Variants in CD5 observed in about 807,000 individuals in gnomAD.
CD5 encodes the protein CD5 molecule.
A neutral mutation model predicts 60.3 loss-of-function variants in CD5; 36 were observed. The ratio of observed to expected loss-of-function variants is 0.60; its 90% CI spans 0.46 to 0.79. The LOEUF (loss-of-function observed/expected upper bound fraction) is 0.79, where lower values mean the gene tolerates loss of function less well. CD5 is among the 30% of genes least tolerant of loss of function. The probability of loss-of-function intolerance (pLI) is 0.00; values close to 1 mark genes in which losing one functional copy is unlikely to be tolerated. For synonymous variants in CD5, 230 were observed against 257.6 expected (o/e 0.89, Z 1.03); for missense variants, 540 against 630.6 (o/e 0.86, Z 1.54).
intron 1 of CD5, 104 bp downstream of exon 1, chr11:61,102,719 C>A: frequency 1.0e-6 from 1 of 1,004,444 alleles, no homozygotes; most frequent in Non-Finnish European, 1.5e-6. Context: ...CACATGTCAG[C>A]CCTCTGGAGC....
intron 1 of CD5, among the ~76,000 whole-genome samples, chr11:61,108,052 G>A (rs1318618833): frequency 6.6e-6 from 1 of 152,112 alleles, no homozygotes; most frequent in Non-Finnish European, 1.5e-5. Flanking sequence ...TGTGACCTTG[G>A]GCAAGTCACT....
intron 1 of CD5, among the ~76,000 whole-genome samples, chr11:61,104,134 G>A (rs1219341420): frequency 6.6e-6 from 1 of 152,002 alleles, no homozygotes; most frequent in Non-Finnish European, 1.5e-5. Flanking sequence ...GAGTCTGTGT[G>A]TGAGTCTGTG....
rs1212208425 is a variant in CD5 at position 61,127,629 on chromosome 11, C to CA, written c.*1345dup. 3 of 152,198 alleles carry CA rather than the reference C, an allele frequency of 2.0e-5. No homozygotes were observed. The highest frequency in any genetic ancestry group is 4.4e-5 in the Non-Finnish European group (3 of 68,040). The allele number at this position is 152,198 out of a possible 1,614,324, so 9.4% of individuals were successfully genotyped here. On this transcript the variant is annotated 3_prime_UTR_variant, in exon 11 of 11. Transcript: ENST00000347785. ...GCTGGGAATCCAGAAACAGGGACCC[C>CA]ATTTGTCTTCCCATATCTGGTGGAG...
chr11:61,124,907 T>TG (rs1029993333), intron 8 of CD5, 125 bp from the exon 9 acceptor site: 6 of 1,077,322 alleles, frequency 5.6e-6, no homozygotes, highest in Non-Finnish European at 8.1e-6. Flanking sequence ...GAAGGGGCTG[T>TG]GGGTGCCTTT....
In CD5 at chr11:61,109,978, C is replaced by T. The variant is rs533342405; in HGVS notation, c.56-5078C>T. Among the ~76,000 whole-genome samples, 6 of 152,164 alleles carry T rather than the reference C, an allele frequency of 3.9e-5. No individual in the cohort carries two copies. The East Asian group carries it at 9.7e-4, about 25-fold the overall frequency. ...TCTGGAGTCTCGGGGATTCTGTCCA[C>T]AGTTTTGGCAATAGCAGGAGCCTCA... On this transcript the variant is annotated intron_variant, in intron 1 of 10. Coordinates refer to ENST00000347785, the MANE Select transcript of CD5 (RefSeq NM_014207.4).
upstream of CD5, among the ~76,000 whole-genome samples, chr11:61,097,503 G>A (rs1015077098): frequency 1.3e-5 from 2 of 152,156 alleles, no homozygotes; most frequent in East Asian, 1.9e-4. Context: ...GTTGCAAACC[G>A]TGTGGACCCA....
upstream of CD5, among the ~76,000 whole-genome samples, chr11:61,098,282 A>G (rs1860608625): frequency 6.6e-6 from 1 of 152,242 alleles, no homozygotes; most frequent in African/African-American, 2.4e-5. Context: ...AAAATGCTTC[A>G]GCCCAAGTGT....
At chr11:61,115,378 A>G (rs893682330) in intron 2 of CD5, among the ~76,000 whole-genome samples, 3 of 152,176 alleles carry the variant, frequency 2.0e-5, no homozygotes, top group African/African-American at 7.2e-5. Flanking sequence ...AAGACATCCC[A>G]GCTCATAAAT....
At chr11:61,101,056 T>G (rs1256370134), upstream of CD5, among the ~76,000 whole-genome samples, 1 of 74,652 alleles carries the variant, frequency 1.3e-5, no homozygotes, top group Non-Finnish European at 2.5e-5. Flanking sequence ...TACACACACA[T>G]CAACATGGAG....
chr11:61,097,415 G>A, the CD5 span, among the ~76,000 whole-genome samples: 7 of 152,356 alleles, frequency 4.6e-5, no homozygotes, highest in African/African-American at 1.7e-4. Flanking sequence ...GACAGAAACT[G>A]TATAATGGTA....
At position 61,102,507 on chromosome 11, in the gene CD5, C is replaced by A; in HGVS notation, c.-54C>A. Reference sequence around the variant, plus strand: ...TGAGAGCGAGATACCCGGCCAGACACCCTCACCTGCGGTGCCCAGCTGCCC... The same window carrying A: ...TGAGAGCGAGATACCCGGCCAGACAACCTCACCTGCGGTGCCCAGCTGCCC... On this transcript the variant is annotated 5_prime_UTR_variant, in exon 1 of 11. Transcript: ENST00000347785. 11 of 1,424,030 alleles carry A rather than the reference C, an allele frequency of 7.7e-6. No individual in the cohort carries two copies. The highest frequency in any genetic ancestry group is 1.1e-5 in the Non-Finnish European group (11 of 1,037,012). The allele number at this position is 1,424,030 out of a possible 1,614,324, so 88.2% of individuals were successfully genotyped here. A position where few individuals can be genotyped will look rare whatever the true frequency, so the allele number is the denominator to read the frequency against.
intron 2 of CD5, among the ~76,000 whole-genome samples, chr11:61,115,352 C>T (rs772824595): frequency 2.0e-5 from 3 of 152,148 alleles, no homozygotes; most frequent in Non-Finnish European, 2.9e-5. Context: ...TATTATGACC[C>T]GCTCACCATG....
intron 4 of CD5, 96 bp from the exon 5 acceptor site, chr11:61,119,134 TAGTC>T (rs1166654955): frequency 4.8e-6 from 6 of 1,243,708 alleles, no homozygotes; most frequent in Non-Finnish European, 1.1e-6. Context: ...GGCTAAGCGT[TAGTC>T]AGTAGTTGTC....
chr11:61,121,540 G>A, intron 5 of CD5, 71 bp from the exon 6 acceptor site: 1 of 1,341,386 alleles, frequency 7.5e-7, no homozygotes, highest in South Asian at 2.0e-5. Flanking sequence ...CAGTGGCATG[G>A]GGCCCCAGGA....
intron 2 of CD5, among the ~76,000 whole-genome samples, chr11:61,116,328 GTTTA>G (rs1450602992): frequency 6.6e-6 from 1 of 151,476 alleles, no homozygotes; most frequent in African/African-American, 2.4e-5. Flanking sequence ...TAATGACTAC[GTTTA>G]TTTGTTTCTT....
At chr11:61,101,490 G>C (rs574800824), upstream of CD5, among the ~76,000 whole-genome samples, 18 of 139,610 alleles carry the variant, frequency 1.3e-4, no homozygotes, top group African/African-American at 4.9e-4. Context: ...TATCAAATGG[G>C]GATTACACAC....
At chr11:61,112,873 G>A (rs1160352342) in intron 1 of CD5, among the ~76,000 whole-genome samples, 1 of 152,220 alleles carries the variant, frequency 6.6e-6, no homozygotes, top group Non-Finnish European at 1.5e-5. Context: ...GATGAACTGT[G>A]GAGCACATCA....
chr11:61,103,843 G>T (rs1590765112), intron 1 of CD5, among the ~76,000 whole-genome samples: 1 of 117,146 alleles, frequency 8.5e-6, no homozygotes, highest in Non-Finnish European at 1.7e-5. Context: ...GTACTGTGTG[G>T]GGGGGAATGT....
At chr11:61,123,059 C>T (rs746275565) in intron 7 of CD5, 27 bp downstream of exon 7, 35 of 1,581,530 alleles carry the variant, frequency 2.2e-5, no homozygotes, top group Non-Finnish European at 3.0e-5. Context: ...TGAGTGGCTC[C>T]GTTCCCACGT....
Sources: allele counts gnomAD v4.1 joint callset (sites outside exome capture counted in the v4.1 genomes callset), GRCh38; gene constraint gnomAD v4.1.1; transcripts MANE v1.5; gene names NCBI Gene and HGNC (gene_info 2026-07-23, HGNC 2026-07-21).